OBI1: variants seen among roughly 807,000 people sequenced by gnomAD.
OBI1 encodes the protein ORC ubiquitin ligase 1, also known as ring finger protein 219.
OBI1 carries 59 observed loss-of-function variants against 62.4 expected under a neutral mutation model. The observed-to-expected ratio is 0.95, with a 90% confidence interval of 0.77 to 1.17. The LOEUF (loss-of-function observed/expected upper bound fraction) is 1.17. OBI1 is among the 50% of genes most tolerant of loss of function. OBI1 has a pLI of 0.00. For synonymous variants in OBI1, 302 were observed against 292.8 expected (o/e 1.03, Z -0.32); for missense variants, 875 against 830.9 (o/e 1.05, Z -0.65).
intron 4 of OBI1, among the ~76,000 whole-genome samples, chr13:78,635,554 T>C (rs76254861): frequency 2.0e-5 from 3 of 152,212 alleles, no homozygotes; most frequent in African/African-American, 7.2e-5. Flanking sequence ...TTATACCACA[T>C]GCAATATCGG....
chr13:78,619,463 A>G (rs551016684), intron 5 of OBI1, among the ~76,000 whole-genome samples: 8 of 151,928 alleles, frequency 5.3e-5, no homozygotes, highest in African/African-American at 1.9e-4. Context: ...ATCACATATG[A>G]GAGGCACAAG....
At chr13:78,628,309 G>C (rs1172049633) in intron 5 of OBI1, among the ~76,000 whole-genome samples, 1 of 152,192 alleles carries the variant, frequency 6.6e-6, no homozygotes, top group Non-Finnish European at 1.5e-5. Context: ...ATGGAGTCTG[G>C]CTCCAAGGTT....
intron 5 of OBI1, among the ~76,000 whole-genome samples, chr13:78,620,073 C>G (rs1875458148): frequency 6.6e-6 from 1 of 152,122 alleles, no homozygotes; most frequent in South Asian, 2.1e-4. Flanking sequence ...ACTGCTCCAC[C>G]CCAAAAAACT....
In OBI1 at chr13:78,615,937, T is replaced by C; in HGVS notation, c.1824A>G (p.Lys608=). The C allele has an allele frequency of 6.2e-7, 1 of 1,613,650 alleles. No individual in the cohort carries two copies. Among genetic ancestry groups the C allele is most frequent in the Non-Finnish European group, 8.5e-7 (1 of 1,179,892 alleles). ...NDQLENGSEW[K]PTSFFLLSPS... ...GAGAGAGGAGAAAAAAAGAAGTGGGTTTCCATTCACTTCCATTTTCTAACT... is the reference window on the plus strand; with the variant it reads ...GAGAGAGGAGAAAAAAAGAAGTGGGCTTCCATTCACTTCCATTTTCTAACT... Residue 608 remains lysine, a synonymous_variant, in exon 6 of 6, where the codon AAA becomes AAG. Transcript: ENST00000282003.
At chr13:78,655,039 GAA>G (rs1566288587) in intron 1 of OBI1, among the ~76,000 whole-genome samples, 1 of 152,196 alleles carries the variant, frequency 6.6e-6, no homozygotes, top group African/African-American at 2.4e-5. Flanking sequence ...CATTAATGCT[GAA>G]AAGCATTAGT....
At chr13:78,628,337 T>A (rs980699167) in intron 5 of OBI1, among the ~76,000 whole-genome samples, 1 of 152,232 alleles carries the variant, frequency 6.6e-6, no homozygotes. Flanking sequence ...ACAATCACCA[T>A]GCTCTACTGT....
chr13:78,645,090 T>C (rs897639926), intron 1 of OBI1, 93 bp from the exon 2 acceptor site: 3 of 1,229,310 alleles, frequency 2.4e-6, no homozygotes, highest in African/African-American at 1.5e-5. Context: ...CTCTAGATTA[T>C]AGCAGAGTAG....
At chr13:78,624,142 G>T (rs766706727) in intron 5 of OBI1, among the ~76,000 whole-genome samples, 3 of 152,092 alleles carry the variant, frequency 2.0e-5, no homozygotes, top group Non-Finnish European at 4.4e-5. Context: ...AAATTTTAAG[G>T]CCTAAACATC....
chr13:78,639,220 GAA>G (rs1238837700), intron 3 of OBI1, 149 bp from the exon 4 acceptor site: 4 of 746,154 alleles, frequency 5.4e-6, no homozygotes, highest in Non-Finnish European at 8.0e-6. Context: ...TTTGCAGGGA[GAA>G]AGTCACATAC....
At chr13:78,624,503 A>G (rs1415152357) in intron 5 of OBI1, among the ~76,000 whole-genome samples, 1 of 152,198 alleles carries the variant, frequency 6.6e-6, no homozygotes, top group African/African-American at 2.4e-5. Context: ...CCTGTCACCC[A>G]GACTGGAGGA....
chr13:78,621,805 A>G (rs1593786159), intron 5 of OBI1, among the ~76,000 whole-genome samples: 2 of 152,328 alleles, frequency 1.3e-5, no homozygotes, highest in Middle Eastern at 6.8e-3. Context: ...CACTAAAGCA[A>G]TGTGGAGCTC....
chr13:78,631,869 AC>A (rs1289476772), intron 5 of OBI1, among the ~76,000 whole-genome samples: 2 of 152,082 alleles, frequency 1.3e-5, no homozygotes, highest in Admixed American at 6.5e-5. Context: ...GATAACCAAC[AC>A]CTTCATTTTA....
chr13:78,637,390 T>C (rs978050050), intron 4 of OBI1, among the ~76,000 whole-genome samples: 7 of 152,228 alleles, frequency 4.6e-5, no homozygotes, highest in Admixed American at 4.6e-4. Context: ...AGGGTAGCTT[T>C]GAGTATTGAA....
chr13:78,656,507 G>A (rs552054691), intron 1 of OBI1, among the ~76,000 whole-genome samples: 103 of 152,012 alleles, frequency 6.8e-4, no homozygotes, highest in Non-Finnish European at 1.1e-3. Flanking sequence ...GCTTGAACCC[G>A]GGAGGCGGAG....
chr13:78,649,125 T>C (rs978191844), intron 1 of OBI1, among the ~76,000 whole-genome samples: 1 of 152,186 alleles, frequency 6.6e-6, no homozygotes, highest in African/African-American at 2.4e-5. Flanking sequence ...GCTAAGCCCA[T>C]TTTTAAGTGG....
At chr13:78,624,149 C>A (rs1875596552) in intron 5 of OBI1, among the ~76,000 whole-genome samples, 1 of 152,144 alleles carries the variant, frequency 6.6e-6, no homozygotes, top group East Asian at 1.9e-4. Flanking sequence ...AAGGCCTAAA[C>A]ATCACATGGG....
intron 4 of OBI1, among the ~76,000 whole-genome samples, chr13:78,638,077 G>T (rs1338610149): frequency 6.6e-6 from 1 of 152,144 alleles, no homozygotes; most frequent in Non-Finnish European, 1.5e-5. Flanking sequence ...TCTCCTTTCA[G>T]CACAAGAGGA....
intron 4 of OBI1, 26 bp downstream of exon 4, chr13:78,638,797 A>G (rs924272786): frequency 4.4e-6 from 7 of 1,582,910 alleles, no homozygotes; most frequent in Non-Finnish European, 5.1e-6. Flanking sequence ...AACAACCATA[A>G]TAGATTTTTA....
In OBI1 at chr13:78,642,231, A is replaced by G; in HGVS notation, c.209-18T>C. ...TGTTCCTCCTGTAGGGAAAAAAAAA[A>G]AAATCCTAATTTTTCATTCTGATTC... On this transcript the variant is annotated intron_variant, in intron 2 of 5. Transcript: ENST00000282003. 2 of 1,462,734 alleles carry G rather than the reference A, an allele frequency of 1.4e-6. No individual in the cohort carries two copies. The highest frequency in any genetic ancestry group is 1.9e-6 in the Non-Finnish European group (2 of 1,052,298). The allele number at this position is 1,462,734 out of a possible 1,614,324, so 90.6% of individuals were successfully genotyped here.
Sources: allele counts gnomAD v4.1 joint callset (sites outside exome capture counted in the v4.1 genomes callset), GRCh38; gene constraint gnomAD v4.1.1; transcripts MANE v1.5; gene names NCBI Gene and HGNC (gene_info 2026-07-23, HGNC 2026-07-21).